MED28: variants seen among roughly 807,000 people sequenced by gnomAD.
MED28 encodes the protein mediator complex subunit 28, also known as mediator of RNA polymerase II transcription subunit 28.
A neutral mutation model predicts 21.3 loss-of-function variants in MED28; 26 were observed. That is an observed-to-expected ratio of 1.22 (90% CI 0.89 to 1.69). MED28 has a LOEUF of 1.69. MED28 is among the 40% of genes most tolerant of loss of function. The pLI, the probability that MED28 is intolerant of heterozygous loss-of-function variation, is 0.00. For synonymous variants in MED28, 110 were observed against 87.6 expected (o/e 1.26, Z -1.43); for missense variants, 257 against 215.4 (o/e 1.19, Z -1.21).
At chr4:17,618,035 A>G (rs997103963) in intron 1 of MED28, among the ~76,000 whole-genome samples, 1 of 122,942 alleles carries the variant, frequency 8.1e-6, no homozygotes, top group African/African-American at 3.0e-5. Flanking sequence ...TTTTTGAGAC[A>G]GAGTCTCACT....
At position 17,633,624 on chromosome 4, in the gene MED28, T is replaced by A. The variant is rs1167511717; in HGVS notation, c.*9826T>A. 1 of 1,346,544 alleles carries A rather than the reference T, an allele frequency of 7.4e-7. No individual in the cohort carries two copies. Among genetic ancestry groups the A allele is most frequent in the Non-Finnish European group, 9.7e-7 (1 of 1,032,424 alleles). The allele number at this position is 1,346,544 out of a possible 1,614,324, so 83.4% of individuals were successfully genotyped here. A position where few individuals can be genotyped will look rare whatever the true frequency, so the allele number is the denominator to read the frequency against. On this transcript the variant is annotated 3_prime_UTR_variant, in exon 4 of 4. Coordinates refer to ENST00000237380, the MANE Select transcript of MED28 (RefSeq NM_025205.5). ...ATTTGGTACCAGGTGCTAGAAAGAA[T>A]CCTACTTCCCCTCTTATCTACAGGG...
At chr4:17,617,199 C>A (rs984198817) in intron 1 of MED28, among the ~76,000 whole-genome samples, 2 of 152,210 alleles carry the variant, frequency 1.3e-5, no homozygotes, top group African/African-American at 2.4e-5. Flanking sequence ...CACGATCTGT[C>A]TAGTCTTGTC....
intron 2 of MED28, 73 bp from the exon 3 acceptor site, chr4:17,621,514 T>C (rs1335071802): frequency 1.1e-5 from 11 of 1,003,642 alleles, no homozygotes; most frequent in African/African-American, 3.3e-5. Context: ...ACATTCTGAT[T>C]ATTCATTTAT....
In MED28 at chr4:17,630,371, T is replaced by C. The variant is rs979077104; in HGVS notation, c.*6573T>C. On this transcript the variant is annotated 3_prime_UTR_variant, in exon 4 of 4. Transcript: ENST00000237380. ...CAATGGAGTCATGAGGGCTTCACCC[T>C]CATGAGTAGGATAAGTACCCTTACA... 3.9e-5 allele frequency: 6 copies of C among 152,130 alleles called. No individual in the cohort carries two copies. The highest frequency in any genetic ancestry group is 1.4e-4 in the African/African-American group (6 of 41,440). The allele number at this position is 152,130 out of a possible 1,614,324, so 9.4% of individuals were successfully genotyped here. A position where few individuals can be genotyped will look rare whatever the true frequency, so the allele number is the denominator to read the frequency against.
intron 2 of MED28, among the ~76,000 whole-genome samples, chr4:17,620,933 C>G (rs1714608675): frequency 6.6e-6 from 1 of 151,412 alleles, no homozygotes; most frequent in South Asian, 2.1e-4. Context: ...GTCTTGAACT[C>G]CTAGGCTCAA....
chr4:17,626,021 T>G lies in MED28; in HGVS notation c.*2223T>G, dbSNP rs1714763444. ...CCCATTTTCACAGATGGATAATAAA[T>G]CTGTAAAATAGGGATAAGACTAGGA... On this transcript the variant is annotated 3_prime_UTR_variant, in exon 4 of 4. Coordinates refer to ENST00000237380, the MANE Select transcript of MED28 (RefSeq NM_025205.5). The G allele has an allele frequency of 1.2e-5, 2 of 161,344 alleles. No individual in the cohort carries two copies. Among genetic ancestry groups the G allele is most frequent in the African/African-American group, 2.4e-5 (1 of 41,586 alleles). 10.0% of individuals were successfully genotyped at this position (161,344 alleles called of 1,614,324 possible).
In MED28 at chr4:17,632,379, A is replaced by G. The variant is rs568649165; in HGVS notation, c.*8581A>G. ...CGTGAGCTGCTGTGCCTGGCAGAAC[A>G]GTATGAAGTGTTAACGCCAAAATTT... On this transcript the variant is annotated 3_prime_UTR_variant, in exon 4 of 4. Coordinates refer to ENST00000237380, the MANE Select transcript of MED28 (RefSeq NM_025205.5). 14 of 558,600 alleles carry G rather than the reference A, an allele frequency of 2.5e-5. No homozygotes were observed. The highest frequency in any genetic ancestry group is 2.5e-4 in the South Asian group (11 of 44,872). 34.6% of individuals were successfully genotyped at this position (558,600 alleles called of 1,614,324 possible).
intron 2 of MED28, 85 bp downstream of exon 2, chr4:17,620,052 C>A: frequency 8.3e-7 from 1 of 1,205,332 alleles, no homozygotes; most frequent in Non-Finnish European, 1.2e-6. Context: ...TGTTTCAGTC[C>A]TGCTTTTATC....
At position 17,626,963 on chromosome 4, in the gene MED28, A is replaced by ATTT. The variant is rs566778111; in HGVS notation, c.*3182_*3184dup. On this transcript the variant is annotated 3_prime_UTR_variant, in exon 4 of 4. Transcript: ENST00000237380. The stretch of plus-strand genomic sequence containing the variant: ...CCTCAGCCTCCCAAGTAGCTGGGCT[A>ATTT]TTTTTTTTTTTTTTTTTTTGAGATG... 4 of 126,180 alleles carry ATTT rather than the reference A, an allele frequency of 3.2e-5. No homozygotes were observed. The highest frequency in any genetic ancestry group is 9.0e-5 in the African/African-American group (3 of 33,342). The allele number at this position is 126,180 out of a possible 1,614,324, so 7.8% of individuals were successfully genotyped here.
In MED28 at chr4:17,629,829, G is replaced by C. The variant is rs762702725; in HGVS notation, c.*6031G>C. On this transcript the variant is annotated 3_prime_UTR_variant, in exon 4 of 4. Coordinates refer to ENST00000237380, the MANE Select transcript of MED28 (RefSeq NM_025205.5). ...TTGTCAATAGTGTTAGGGCACAGTA[G>C]GTTCATTTACTGCTGGTAAGGGTGT... is the stretch of plus-strand genomic sequence containing the variant. 7.2e-5 allele frequency: 11 copies of C among 152,264 alleles called. No homozygotes were observed. The highest frequency in any genetic ancestry group is 3.4e-3 in the Middle Eastern group (1 of 294). The allele number at this position is 152,264 out of a possible 1,614,324, so 9.4% of individuals were successfully genotyped here.
rs1410894997 is a variant in MED28 at position 17,628,280 on chromosome 4, G to GTGTGTGTGTGTGTGTGTGTGTGTGTGTA, written c.*4493_*4494insGTGTGTGTGTGTGTGTATGTGTGTGTGT. ...CGTGTGTGTGTGTGTGTGTGTGTGT[G>GTGTGTGTGTGTGTGTGTGTGTGTGTGTA]TGTGTGTGTGTATGTGTATATGCGT... On this transcript the variant is annotated 3_prime_UTR_variant, in exon 4 of 4. Coordinates refer to ENST00000237380, the MANE Select transcript of MED28 (RefSeq NM_025205.5). 8.6e-5 allele frequency: 13 copies of GTGTGTGTGTGTGTGTGTGTGTGTGTGTA among 151,446 alleles called. No individual in the cohort carries two copies. Among genetic ancestry groups the GTGTGTGTGTGTGTGTGTGTGTGTGTGTA allele is most frequent in the African/African-American group, 3.2e-4 (13 of 40,790 alleles). 9.4% of individuals were successfully genotyped at this position (151,446 alleles called of 1,614,324 possible).
chr4:17,629,898 CAAAA>C lies in MED28; in HGVS notation c.*6102_*6105del, dbSNP rs1488152228. ...TGAATGGCAGTTTGGTAATAACAAA[CAAAA>C]AGCTTAAGTTTGTGTCCTTAAATGC... is the stretch of plus-strand genomic sequence containing the variant. On this transcript the variant is annotated 3_prime_UTR_variant, in exon 4 of 4. Coordinates refer to ENST00000237380, the MANE Select transcript of MED28 (RefSeq NM_025205.5). 7 of 152,242 alleles carry C rather than the reference CAAAA, an allele frequency of 4.6e-5. No homozygotes were observed. The highest frequency in any genetic ancestry group is 3.4e-3 in the Middle Eastern group (1 of 294). 9.4% of individuals were successfully genotyped at this position (152,242 alleles called of 1,614,324 possible).
At chr4:17,623,132 G>A (rs989727144) in intron 3 of MED28, among the ~76,000 whole-genome samples, 1 of 152,162 alleles carries the variant, frequency 6.6e-6, no homozygotes, top group Admixed American at 6.5e-5. Flanking sequence ...CGGGTGTGGT[G>A]GCTCACGCCT....
rs771675055 is a variant in MED28, at chr4:17,614,686, G to T, written c.32G>T (p.Gly11Val). 1.3e-5 allele frequency: 21 copies of T among 1,613,510 alleles called. No homozygotes were observed. Among genetic ancestry groups the T allele is most frequent in the Non-Finnish European group, 1.7e-5 (20 of 1,179,924 alleles). Residue 11 changes from glycine to valine, a missense_variant, in exon 1 of 4, where the codon GGG (glycine) becomes GTG (valine). Gly to Val is a moderately radical substitution (Grantham distance 109). Transcript: ENST00000237380. MAAPLGGMFS[G>V]QPPGPPQAPP... is the part of the protein sequence containing the mutation. ...GCTCCACTAGGGGGTATGTTTTCTG[G>T]GCAGCCACCCGGTCCCCCTCAGGCC...
chr4:17,620,383 T>C (rs1714587018), intron 2 of MED28, among the ~76,000 whole-genome samples: 1 of 146,556 alleles, frequency 6.8e-6, no homozygotes. Flanking sequence ...GGAGTTTCAC[T>C]CTTGTCGCCC....
In MED28 at chr4:17,623,601, G is replaced by A. The variant is rs781445355; in HGVS notation, c.340G>A (p.Asp114Asn). ...VQKPEQVIKE[D>N]VSELRNELQR... ...CTTAGTCCATGACTTTCATCTGCAG[G>A]ATGTGTCAGAACTAAGGAATGAATT... Residue 114 changes from aspartate to asparagine, a missense_variant and splice_region_variant, in exon 4 of 4, where the codon GAT (aspartate) becomes AAT (asparagine). Coordinates refer to ENST00000237380, the MANE Select transcript of MED28 (RefSeq NM_025205.5). 1 of 1,613,636 alleles carries A rather than the reference G, an allele frequency of 6.2e-7. No individual in the cohort carries two copies. The highest frequency in any genetic ancestry group is 8.5e-7 in the Non-Finnish European group (1 of 1,179,920).
intron 3 of MED28, among the ~76,000 whole-genome samples, chr4:17,622,841 CAA>C (rs1045885817): frequency 7.9e-4 from 120 of 152,296 alleles, no homozygotes; most frequent in African/African-American, 2.7e-3. Context: ...TGGTGGCAGA[CAA>C]GAGAAGAGAG....
chr4:17,620,062 C>T (rs1714573741), intron 2 of MED28, 95 bp downstream of exon 2: 2 of 1,128,786 alleles, frequency 1.8e-6, no homozygotes, highest in African/African-American at 1.5e-5. Flanking sequence ...CTGCTTTTAT[C>T]CTAAGACAAC....
At position 17,623,867 on chromosome 4, in the gene MED28, G is replaced by A; in HGVS notation, c.*69G>A. The A allele has an allele frequency of 1.3e-6, 2 of 1,497,828 alleles. No homozygotes were observed. Among genetic ancestry groups the A allele is most frequent in the South Asian group, 1.2e-5 (1 of 83,114 alleles). The allele number at this position is 1,497,828 out of a possible 1,614,324, so 92.8% of individuals were successfully genotyped here. On this transcript the variant is annotated 3_prime_UTR_variant, in exon 4 of 4. Transcript: ENST00000237380. ...AGGTTGGCCACACATTCCTTCCTGT[G>A]GACTTGACATTTTGGAAGAACTCTT...
Sources: allele counts gnomAD v4.1 joint callset (sites outside exome capture counted in the v4.1 genomes callset), GRCh38; gene constraint gnomAD v4.1.1; transcripts MANE v1.5; gene names NCBI Gene and HGNC (gene_info 2026-07-23, HGNC 2026-07-21).